The following PDE8A variants were observed in gnomAD, a reference collection of about 807,000 sequenced individuals.
PDE8A encodes the protein phosphodiesterase 8A.
PDE8A carries 59 observed loss-of-function variants against 105.0 expected under a neutral mutation model. The ratio of observed to expected loss-of-function variants is 0.56; its 90% confidence interval spans 0.46 to 0.70. The LOEUF is 0.70. Ranked by LOEUF, PDE8A falls within the 30% of genes least tolerant of loss-of-function variation. PDE8A has a pLI of 0.00. For synonymous variants in PDE8A, 355 were observed against 371.9 expected (o/e 0.95, Z 0.52); for missense variants, 1,014 against 1,045.9 (o/e 0.97, Z 0.42).
At chr15:85,039,015 G>A (rs1596464565) in intron 1 of PDE8A, among the ~76,000 whole-genome samples, 1 of 152,090 alleles carries the variant, frequency 6.6e-6, no homozygotes, top group East Asian at 1.9e-4. Flanking sequence ...TAGCTACTTG[G>A]GAGGCTGAGG....
chr15:85,111,971 T>C (rs1218909831), intron 12 of PDE8A, among the ~76,000 whole-genome samples: 2 of 152,210 alleles, frequency 1.3e-5, no homozygotes, highest in African/African-American at 2.4e-5. Context: ...AAATTTCCAA[T>C]TGCTTATTGT....
At chr15:85,017,615 G>A (rs1407282113) in intron 1 of PDE8A, among the ~76,000 whole-genome samples, 4 of 152,076 alleles carry the variant, frequency 2.6e-5, no homozygotes, top group Non-Finnish European at 2.9e-5. Flanking sequence ...GACCGGACAC[G>A]GTGGCTCACG....
intron 5 of PDE8A, among the ~76,000 whole-genome samples, chr15:85,083,277 A>G (rs1010955789): frequency 6.6e-6 from 1 of 152,022 alleles, no homozygotes; most frequent in Admixed American, 6.5e-5. Context: ...AACAACCAAA[A>G]TGCTCTTAAC....
intron 20 of PDE8A, among the ~76,000 whole-genome samples, chr15:85,131,769 T>C (rs918132230): frequency 6.6e-6 from 1 of 152,228 alleles, no homozygotes; most frequent in African/African-American, 2.4e-5. Context: ...TAGCATTTTT[T>C]GTAGGTCAGG....
intron 8 of PDE8A, among the ~76,000 whole-genome samples, chr15:85,094,649 G>A (rs927615719): frequency 5.3e-5 from 8 of 152,264 alleles, no homozygotes; most frequent in Admixed American, 6.5e-5. Flanking sequence ...CTTTGACTTA[G>A]ATTCCTGAAA....
chr15:85,025,901 A>G (rs1484244698), intron 1 of PDE8A, among the ~76,000 whole-genome samples: 5 of 152,162 alleles, frequency 3.3e-5, no homozygotes, highest in Non-Finnish European at 5.9e-5. Flanking sequence ...GATGCTGACC[A>G]TATATATGGG....
chr15:85,138,086 AG>A lies in PDE8A; in HGVS notation c.*184del, dbSNP rs1567311886. 2 of 535,152 alleles carry A rather than the reference AG, an allele frequency of 3.7e-6. No homozygotes were observed. Among genetic ancestry groups the A allele is most frequent in the Non-Finnish European group, 6.7e-6 (2 of 299,210 alleles). 33.2% of individuals were successfully genotyped at this position (535,152 alleles called of 1,614,324 possible). ...CCACCATCCAATGCCATTACTGTCA[AG>A]TGAGACTTGGCCACTGTAGCCTGGG... is the stretch of plus-strand genomic sequence containing the variant. On this transcript the variant is annotated 3_prime_UTR_variant, in exon 22 of 22. Transcript: ENST00000394553.
At chr15:85,086,165 A>G (rs184195351) in intron 6 of PDE8A, among the ~76,000 whole-genome samples, 1 of 152,346 alleles carries the variant, frequency 6.6e-6, no homozygotes, top group East Asian at 1.9e-4. Flanking sequence ...CTCATGTCCT[A>G]CCCGCAAAAT....
At chr15:85,064,008 TTTAG>T (rs1428594118) in intron 1 of PDE8A, 1 of 176,228 alleles carries the variant, frequency 5.7e-6, no homozygotes, top group Non-Finnish European at 1.2e-5. Context: ...TCAGCGTTTA[TTTAG>T]TATCTATTAT....
chr15:85,048,308 T>G (rs2080918860), intron 1 of PDE8A, among the ~76,000 whole-genome samples: 1 of 152,128 alleles, frequency 6.6e-6, no homozygotes, highest in Non-Finnish European at 1.5e-5. Context: ...ACCTAGTATA[T>G]CATGTTTTTC....
intron 1 of PDE8A, among the ~76,000 whole-genome samples, chr15:85,052,324 T>C (rs1169033152): frequency 6.6e-6 from 1 of 152,260 alleles, no homozygotes; most frequent in Non-Finnish European, 1.5e-5. Flanking sequence ...TTATAATCCT[T>C]TGGGTATATA....
chr15:84,995,092 G>A (rs142238405), intron 1 of PDE8A, among the ~76,000 whole-genome samples: 36 of 152,242 alleles, frequency 2.4e-4, no homozygotes, highest in East Asian at 1.2e-3. Context: ...ACAGTGAAAT[G>A]CACAAATATT....
rs140069966 is a variant in PDE8A at position 85,118,878 on chromosome 15, TG to T, written c.1734+1040del. Among the ~76,000 whole-genome samples the T allele has an allele frequency of 5.7e-3, 873 of 152,274 alleles. 7 individuals are homozygous for T. Among genetic ancestry groups the T allele is most frequent in the African/African-American group, 0.02 (841 of 41,558 alleles). Reference sequence around the variant, plus strand: ...GATGACATCTGGCACACACAGGGAGTGAACAAGTGTTCATTCCTCACCTTGA... The same window carrying T: ...GATGACATCTGGCACACACAGGGAGTAACAAGTGTTCATTCCTCACCTTGA... On this transcript the variant is annotated intron_variant, in intron 17 of 21. Transcript: ENST00000394553.
intron 1 of PDE8A, among the ~76,000 whole-genome samples, chr15:85,055,221 T>C (rs2081041421): frequency 6.6e-6 from 1 of 152,230 alleles, no homozygotes; most frequent in African/African-American, 2.4e-5. Flanking sequence ...TGAGGAGTGC[T>C]TTACTTCCAA....
At chr15:85,065,751 C>T (rs1216307079) in intron 2 of PDE8A, among the ~76,000 whole-genome samples, 5 of 152,214 alleles carry the variant, frequency 3.3e-5, no homozygotes, top group Non-Finnish European at 7.3e-5. Flanking sequence ...TTTCAGTCTG[C>T]TTCTGAAGGG....
At position 85,076,746 on chromosome 15, in the gene PDE8A, G is replaced by T; in HGVS notation, c.505G>T (p.Glu169Ter). The T allele has an allele frequency of 6.3e-7, 1 of 1,596,656 alleles. No individual in the cohort carries two copies. The highest frequency in any genetic ancestry group is 2.2e-5 in the East Asian group (1 of 44,774). ...VGVVRRVDRE[E>*]LSVMPFISAG... ...GTTATTTTGAAGGGTGGATAGAGAA[G>T]AGTTGTCCGTAATGCCTTTCATTTC... Residue 169 changes from glutamate to a stop codon, truncating the protein, a stop_gained, in exon 5 of 22, where the codon GAG (glutamate) becomes TAG (stop). Transcript: ENST00000394553. LOFTEE classifies it high-confidence loss of function.
At chr15:85,125,281 G>A (rs1169947463) in intron 19 of PDE8A, among the ~76,000 whole-genome samples, 1 of 152,194 alleles carries the variant, frequency 6.6e-6, no homozygotes, top group Non-Finnish European at 1.5e-5. Flanking sequence ...TGAAATATAT[G>A]ACTAACTCCT....
chr15:85,085,669 C>G (rs1371066468), intron 6 of PDE8A, among the ~76,000 whole-genome samples: 1 of 143,602 alleles, frequency 7.0e-6, no homozygotes, highest in African/African-American at 2.5e-5. Flanking sequence ...GAGCAAGACT[C>G]TGTCTCAAAA....
intron 1 of PDE8A, among the ~76,000 whole-genome samples, chr15:85,011,347 G>A (rs1481619425): frequency 6.6e-6 from 1 of 152,106 alleles, no homozygotes; most frequent in Admixed American, 6.6e-5. Context: ...AGACAGGTTT[G>A]GAGCCAGAGA....
Sources: allele counts gnomAD v4.1 joint callset (sites outside exome capture counted in the v4.1 genomes callset), GRCh38; gene constraint gnomAD v4.1.1; transcripts MANE v1.5; gene names NCBI Gene and HGNC (gene_info 2026-07-23, HGNC 2026-07-21).